The following CPLX1 variants were observed in gnomAD, a reference collection of about 807,000 sequenced individuals.
CPLX1 encodes complexin 1, also known as complexin-1.
CPLX1 carries 6 observed loss-of-function variants against 15.6 expected under a neutral mutation model. That is an observed-to-expected ratio of 0.39 (90% CI 0.21 to 0.76). CPLX1 has a LOEUF of 0.76. CPLX1 is among the 30% of genes least tolerant of loss of function. CPLX1 has a pLI of 0.43. For missense variants in CPLX1, 242 were observed against 188.6 expected, an observed-to-expected ratio of 1.28 and a Z score of -1.66; for synonymous variants, 91 against 75.2, an observed-to-expected ratio of 1.21 and a Z score of -1.08.
At chr4:821,899 C>A (rs578154402) in intron 2 of CPLX1, among the ~76,000 whole-genome samples, 8 of 152,320 alleles carry the variant, frequency 5.3e-5, no homozygotes, top group Non-Finnish European at 8.8e-5. Context: ...CCGCGGACAG[C>A]CCCCGAATGG....
intron 2 of CPLX1, among the ~76,000 whole-genome samples, chr4:793,935 T>C (rs984115543): frequency 6.6e-6 from 1 of 152,330 alleles, no homozygotes; most frequent in East Asian, 1.9e-4. Context: ...TCCACCTGGG[T>C]CCAGGTGTGC....
At chr4:804,870 C>A in intron 2 of CPLX1, 1 of 970,242 alleles carries the variant, frequency 1.0e-6, no homozygotes, top group Non-Finnish European at 1.2e-6. Context: ...GAAAGGTGGG[C>A]GGCGGCAGCC....
At chr4:805,496 T>C (rs976618278) in intron 2 of CPLX1, among the ~76,000 whole-genome samples, 4 of 152,192 alleles carry the variant, frequency 2.6e-5, no homozygotes, top group African/African-American at 7.2e-5. Context: ...CCCTGTGCCT[T>C]GTTGTTGGGA....
chr4:807,626 C>T (rs775796239), intron 2 of CPLX1, among the ~76,000 whole-genome samples: 1 of 152,000 alleles, frequency 6.6e-6, no homozygotes, highest in South Asian at 2.1e-4. Context: ...GGGCAGGTGC[C>T]ACCATGCCCG....
At chr4:813,796 C>T (rs1746702847) in intron 2 of CPLX1, among the ~76,000 whole-genome samples, 1 of 152,120 alleles carries the variant, frequency 6.6e-6, no homozygotes, top group Admixed American at 6.5e-5. Flanking sequence ...AAGGGCCTGA[C>T]CTGTGCGGAT....
In CPLX1 at chr4:792,400, C is replaced by T. The variant is rs1746207273; in HGVS notation, c.207+33G>A. The T allele has an allele frequency of 2.0e-6, 3 of 1,496,882 alleles. No individual in the cohort carries two copies. The South Asian group carries it at 4.0e-5, about 20-fold the overall frequency. 92.7% of individuals were successfully genotyped at this position (1,496,882 alleles called of 1,614,324 possible). A position where few individuals can be genotyped will look rare whatever the true frequency, so the allele number is the denominator to read the frequency against. On this transcript the variant is annotated intron_variant, in intron 3 of 3. Transcript: ENST00000304062. Reference sequence around the variant, plus strand: ...TGGGTCCCCGCTGGACTCAGGGCCGCCTTCCCGCAGGCGGGGCCGGCCCGG... The same window carrying T: ...TGGGTCCCCGCTGGACTCAGGGCCGTCTTCCCGCAGGCGGGGCCGGCCCGG...
At chr4:825,481 G>T (rs1164419675) in intron 1 of CPLX1, among the ~76,000 whole-genome samples, 1 of 151,950 alleles carries the variant, frequency 6.6e-6, no homozygotes, top group Non-Finnish European at 1.5e-5. Context: ...TGGCTCCCGC[G>T]GCGCGGGGAA....
At chr4:797,323 A>G (rs1346846668) in intron 2 of CPLX1, among the ~76,000 whole-genome samples, 1 of 152,156 alleles carries the variant, frequency 6.6e-6, no homozygotes, top group East Asian at 1.9e-4. Context: ...CCTAGAGCAG[A>G]GCCTGCCACA....
intron 2 of CPLX1, among the ~76,000 whole-genome samples, chr4:823,673 C>A (rs550649026): frequency 2.0e-5 from 3 of 152,368 alleles, no homozygotes; most frequent in Non-Finnish European, 4.4e-5. Context: ...AGCCCCGAGG[C>A]CTGAGTTGAC....
At chr4:799,780 T>C (rs1045034319) in intron 2 of CPLX1, among the ~76,000 whole-genome samples, 1 of 152,200 alleles carries the variant, frequency 6.6e-6, no homozygotes, top group African/African-American at 2.4e-5. Context: ...CAAGAATTGC[T>C]TGAACCCAGG....
At chr4:792,332 G>A (rs1282434483) in intron 3 of CPLX1, 101 bp downstream of exon 3, 4 of 1,091,706 alleles carry the variant, frequency 3.7e-6, no homozygotes, top group Non-Finnish European at 3.7e-6. Flanking sequence ...CCAGGGGGAC[G>A]CCCGCCCCTC....
chr4:788,033 A>G (rs1452882833), intron 3 of CPLX1: 2 of 985,222 alleles, frequency 2.0e-6, no homozygotes, highest in Non-Finnish European at 2.4e-6. Context: ...CGTCCAGGAG[A>G]AAACTTAGGA....
chr4:823,085 A>G (rs918482305), intron 2 of CPLX1, among the ~76,000 whole-genome samples: 15 of 152,210 alleles, frequency 9.9e-5, no homozygotes, highest in African/African-American at 3.4e-4. Context: ...ACAGCCAAAT[A>G]AGATATTTCA....
chr4:794,655 A>G (rs1016956556), intron 2 of CPLX1, among the ~76,000 whole-genome samples: 1 of 152,154 alleles, frequency 6.6e-6, no homozygotes, highest in African/African-American at 2.4e-5. Flanking sequence ...TGCAAATCTT[A>G]ACCCCCATGA....
rs1188811522 is a variant in CPLX1 at position 787,833 on chromosome 4, G to A, written c.208-1135C>T. ...AAGCCTGTGGTCATGGTCAGGCCAC[G>A]GAACTACGGAACAGCCTCCTGCTGC... On this transcript the variant is annotated intron_variant, in intron 3 of 3. Coordinates refer to ENST00000304062, the MANE Select transcript of CPLX1 (RefSeq NM_006651.4). 19 of 985,400 alleles carry A rather than the reference G, an allele frequency of 1.9e-5. No individual in the cohort carries two copies. In the South Asian group the frequency reaches 3.3e-4, roughly 17 times the overall value. The allele number at this position is 985,400 out of a possible 1,614,324, so 61.0% of individuals were successfully genotyped here.
intron 3 of CPLX1, among the ~76,000 whole-genome samples, chr4:789,337 G>GGAGGCCCTGACACGTCTGAGGT (rs1255556626): frequency 6.6e-6 from 1 of 152,212 alleles, no homozygotes; most frequent in Non-Finnish European, 1.5e-5. Flanking sequence ...GGGGCGCCCA[G>GGAGGCCCTGACACGTCTGAGGT]GAGGCCCTGA....
At chr4:792,383 C>A (rs759104063) in intron 3 of CPLX1, 50 bp downstream of exon 3, 16 of 1,462,658 alleles carry the variant, frequency 1.1e-5, no homozygotes, top group Non-Finnish European at 1.4e-5. Flanking sequence ...TCTGGGTCCC[C>A]GCTGGACTCA....
intron 3 of CPLX1, among the ~76,000 whole-genome samples, chr4:788,687 A>G (rs1288591194): frequency 6.6e-6 from 1 of 152,182 alleles, no homozygotes; most frequent in Admixed American, 6.5e-5. Flanking sequence ...TGGAGGGAGC[A>G]TGTGCTCTTC....
chr4:804,477 A>G (rs1746516960), intron 2 of CPLX1, among the ~76,000 whole-genome samples: 1 of 152,256 alleles, frequency 6.6e-6, no homozygotes, highest in South Asian at 2.1e-4. Context: ...ACTTAGAAAT[A>G]AAAGGGAAGT....
Sources: allele counts gnomAD v4.1 joint callset (sites outside exome capture counted in the v4.1 genomes callset), GRCh38; gene constraint gnomAD v4.1.1; transcripts MANE v1.5; gene names NCBI Gene and HGNC (gene_info 2026-07-23, HGNC 2026-07-21).